Variants in NDFIP1 observed in about 807,000 individuals in gnomAD.
The protein encoded by NDFIP1 is NEDD4 family-interacting protein 1.
In NDFIP1, 7 loss-of-function variants were observed where a neutral mutation model predicts 28.8. That is an observed-to-expected ratio of 0.24 (90% CI 0.14 to 0.46). NDFIP1 has a LOEUF of 0.46. NDFIP1 is among the 20% of genes least tolerant of loss of function. The pLI is 0.99. For missense variants in NDFIP1, 194 were observed against 269.1 expected, an observed-to-expected ratio of 0.72 and a Z score of 1.95; for synonymous variants, 92 against 101.0, an observed-to-expected ratio of 0.91 and a Z score of 0.53.
chr5:142,128,978 C>G (rs890685547), intron 1 of NDFIP1, among the ~76,000 whole-genome samples: 1 of 152,144 alleles, frequency 6.6e-6, no homozygotes. Flanking sequence ...CTCTTAACCT[C>G]TTTGTTCTTT....
Position 142,149,434 on chromosome 5 carries a change from C to CTTT in NDFIP1, c.*3-2278_*3-2276dup, listed in dbSNP as rs10684292. Among the ~76,000 whole-genome samples the CTTT allele has an allele frequency of 2.3e-3, 260 of 114,646 alleles. 6 individuals carry two copies. The highest frequency in any genetic ancestry group is 5.2e-3 in the African/African-American group (153 of 29,702). 75.2% of individuals were successfully genotyped at this position (114,646 alleles called of 152,430 possible). ...AAATGATCTGTAGGCTATTGGATTC[C>CTTT]TTTTTTTTTTTTTTTTTTTTTACAA... On this transcript the variant is annotated intron_variant, in intron 7 of 7. Transcript: ENST00000253814.
At chr5:142,128,244 T>C (rs1473916989) in intron 1 of NDFIP1, among the ~76,000 whole-genome samples, 2 of 152,046 alleles carry the variant, frequency 1.3e-5, no homozygotes, top group Non-Finnish European at 2.9e-5. Flanking sequence ...TCTTTCCAAC[T>C]CTAACCCAAA....
chr5:142,144,256 A>G (rs893017259), intron 6 of NDFIP1: 4 of 173,328 alleles, frequency 2.3e-5, no homozygotes, highest in South Asian at 1.6e-4. Flanking sequence ...TTGGAACTCA[A>G]TAGGTAGATT....
At chr5:142,141,300 C>T (rs1044687414) in intron 6 of NDFIP1, among the ~76,000 whole-genome samples, 9 of 150,698 alleles carry the variant, frequency 6.0e-5, no homozygotes, top group South Asian at 4.2e-4. Flanking sequence ...CTCAGCCTCC[C>T]GAGTAGCTGG....
chr5:142,139,689 G>A (rs1306340217), intron 5 of NDFIP1, among the ~76,000 whole-genome samples: 1 of 152,114 alleles, frequency 6.6e-6, no homozygotes. Context: ...TGGTATACAT[G>A]ATAAAGCTTC....
chr5:142,150,721 C>A (rs868170691), intron 7 of NDFIP1, among the ~76,000 whole-genome samples: 125 of 133,710 alleles, frequency 9.3e-4, no homozygotes, highest in South Asian at 1.2e-3. Flanking sequence ...CTCTTGTCTC[C>A]AAAAAAAAAA....
At chr5:142,141,215 G>C (rs1462789480) in intron 6 of NDFIP1, among the ~76,000 whole-genome samples, 4 of 112,912 alleles carry the variant, frequency 3.5e-5, no homozygotes, top group Non-Finnish European at 6.6e-5. Flanking sequence ...TTGCTCTGTC[G>C]CACAGGCTGG....
chr5:142,126,933 G>A (rs1370011771), intron 1 of NDFIP1, among the ~76,000 whole-genome samples: 1 of 152,014 alleles, frequency 6.6e-6, no homozygotes, highest in African/African-American at 2.4e-5. Context: ...TCATAAAAAT[G>A]TCATATTTAT....
At position 142,144,802 on chromosome 5, in the gene NDFIP1, G is replaced by T. The variant is rs539610111; in HGVS notation, c.*2+126G>T. The T allele has an allele frequency of 2.2e-4, 118 of 541,688 alleles. 1 individual carries two copies. The highest frequency in any genetic ancestry group is 1.8e-3 in the African/African-American group (93 of 52,048). 33.6% of individuals were successfully genotyped at this position (541,688 alleles called of 1,614,324 possible). A position where few individuals can be genotyped will look rare whatever the true frequency, so the allele number is the denominator to read the frequency against. On this transcript the variant is annotated intron_variant, in intron 7 of 7. Transcript: ENST00000253814. The stretch of plus-strand genomic sequence containing the variant: ...AGAAAGTAAAGAAGGCACAGTCCCT[G>T]CCTTTTAGCAGTTTCTTGTCTAGTA...
In NDFIP1 at chr5:142,131,588, T is replaced by A. The variant is rs7735297; in HGVS notation, c.64-220T>A. Among the ~76,000 whole-genome samples, 408 of 152,358 alleles carry A rather than the reference T, an allele frequency of 2.7e-3. 2 individuals carry two copies. The highest frequency in any genetic ancestry group is 9.4e-3 in the African/African-American group (390 of 41,588). On this transcript the variant is annotated intron_variant, in intron 1 of 7. Transcript: ENST00000253814. ...TGGAATTTAGGTTGTTTCTAATTTT[T>A]GCTGACACAACACTTATATGTACCC... is the stretch of plus-strand genomic sequence containing the variant.
chr5:142,118,663 G>A lies in NDFIP1; in HGVS notation c.63+9626G>A, dbSNP rs766325401. The stretch of plus-strand genomic sequence containing the variant: ...TATGCATGGTCCACACATAAGGAGT[G>A]GGGAGTTATGTAACACCTCGCTGAG... On this transcript the variant is annotated intron_variant, in intron 1 of 7. Coordinates refer to ENST00000253814, the MANE Select transcript of NDFIP1 (RefSeq NM_030571.4). 4.8e-4 allele frequency among the ~76,000 whole-genome samples: 73 copies of A among 152,268 alleles called. No individual in the cohort carries two copies. The Middle Eastern group carries it at 0.014, about 28-fold the overall frequency.
At chr5:142,126,293 A>T (rs1323979136) in intron 1 of NDFIP1, among the ~76,000 whole-genome samples, 1 of 152,186 alleles carries the variant, frequency 6.6e-6, no homozygotes, top group Non-Finnish European at 1.5e-5. Context: ...TTAAGGTAAA[A>T]GTTTTAGCAA....
intron 7 of NDFIP1, among the ~76,000 whole-genome samples, chr5:142,150,914 TTTC>T (rs1561606594): frequency 6.6e-6 from 1 of 152,184 alleles, no homozygotes; most frequent in African/African-American, 2.4e-5. Flanking sequence ...CTCTTTAGTG[TTTC>T]TTCTTTTATT....
chr5:142,137,603 T>TAATA, intron 4 of NDFIP1, 131 bp from the exon 5 acceptor site: 1 of 1,006,112 alleles, frequency 9.9e-7, no homozygotes, highest in Non-Finnish European at 1.5e-6. Flanking sequence ...AGAGGAGGTA[T>TAATA]GGTGACGGTT....
chr5:142,151,796 A>C lies in NDFIP1; in HGVS notation c.*68A>C, dbSNP rs1031045946. On this transcript the variant is annotated 3_prime_UTR_variant, in exon 8 of 8. Coordinates refer to ENST00000253814, the MANE Select transcript of NDFIP1 (RefSeq NM_030571.4). ...TCTCAAGAAGCAAGAGAACACCTGC[A>C]GGAAGTGAATCAAGATGCAGAACAC... The C allele has an allele frequency of 1.4e-4, 22 of 152,808 alleles. No individual in the cohort carries two copies. The highest frequency in any genetic ancestry group is 5.3e-4 in the African/African-American group (22 of 41,468). The allele number at this position is 152,808 out of a possible 1,614,324, so 9.5% of individuals were successfully genotyped here. A position where few individuals can be genotyped will look rare whatever the true frequency, so the allele number is the denominator to read the frequency against.
intron 4 of NDFIP1, 142 bp from the exon 5 acceptor site, chr5:142,137,592 T>C (rs1216470442): frequency 3.2e-6 from 3 of 934,894 alleles, no homozygotes; most frequent in African/African-American, 3.3e-5. Flanking sequence ...ATGGATGTTT[T>C]AGAGGAGGTA....
In NDFIP1 at chr5:142,131,811, C is replaced by T; in HGVS notation, c.67C>T (p.Gln23Ter). ...AAAATATGAAATTTTTATTTAGTTG[C>T]AGAATGAAGAAGAGTCTGGAGAACC... is the stretch of plus-strand genomic sequence containing the variant. ...PACGSRYQQL[Q>*]NEEESGEPEQ... The change falls in exon 2 of 8, where the codon CAG (glutamine) becomes TAG (stop). Residue 23 changes from glutamine (Q) to a stop codon, truncating the protein, a stop_gained. Transcript: ENST00000253814. LOFTEE classifies it high-confidence loss of function. The T allele has an allele frequency of 6.4e-7, 1 of 1,568,654 alleles. No homozygotes were observed. Among genetic ancestry groups the T allele is most frequent in the Non-Finnish European group, 8.6e-7 (1 of 1,164,058 alleles).
chr5:142,133,930 T>G (rs1437241608), intron 3 of NDFIP1: 1 of 152,176 alleles, frequency 6.6e-6, no homozygotes, highest in African/African-American at 2.4e-5. Context: ...AAAATGAGAT[T>G]TGATGTGGGC....
At chr5:142,145,310 T>C (rs1295090755) in intron 7 of NDFIP1, among the ~76,000 whole-genome samples, 1 of 152,166 alleles carries the variant, frequency 6.6e-6, no homozygotes, top group Non-Finnish European at 1.5e-5. Flanking sequence ...GCTCTTTGAT[T>C]CACACATGAT....
Sources: gnomAD v4.1 joint callset for allele counts (sites outside exome capture counted in the v4.1 genomes callset) on GRCh38, gnomAD v4.1.1 for gene constraint, MANE v1.5 for transcripts, NCBI Gene and HGNC (gene_info 2026-07-23, HGNC 2026-07-21) for gene names.